The following PEA15 variants were observed in gnomAD, a reference collection of about 807,000 sequenced individuals.
The protein encoded by PEA15 is astrocytic phosphoprotein PEA-15.
For missense variants in PEA15, 77 were observed against 161.3 expected (o/e 0.48, Z 2.83); for synonymous variants, 60 against 61.8 (o/e 0.97, Z 0.13).
chr1:160,209,390 A>AG (rs1654751657), intron 1 of PEA15, among the ~76,000 whole-genome samples: 2 of 152,082 alleles, frequency 1.3e-5, no homozygotes, highest in African/African-American at 4.8e-5. Flanking sequence ...TCTCTTAGAA[A>AG]GCTCCTACCC....
intron 1 of PEA15, among the ~76,000 whole-genome samples, chr1:160,209,978 A>G (rs1380209154): frequency 3.9e-5 from 6 of 152,168 alleles, no homozygotes; most frequent in Non-Finnish European, 1.5e-5. Flanking sequence ...TGTGCAACTG[A>G]GCATGCCTAT....
Position 160,208,694 on chromosome 1 carries a change from A to G in PEA15, c.-2-2849A>G. The G allele has an allele frequency of 3.3e-6, 5 of 1,532,804 alleles. No individual in the cohort carries two copies. Among genetic ancestry groups the G allele is most frequent in the Non-Finnish European group, 4.4e-6 (5 of 1,130,884 alleles). The allele number at this position is 1,532,804 out of a possible 1,614,324, so 95.0% of individuals were successfully genotyped here. A position where few individuals can be genotyped will look rare whatever the true frequency, so the allele number is the denominator to read the frequency against. On this transcript the variant is annotated intron_variant, in intron 1 of 3. Transcript: ENST00000360472. This position sits in a 1 kb window ranked among gnomAD's most constrained non-coding sequence, Gnocchi z 4.1. ...CAACTGTTGATCAGTGAGAATTGAG[A>G]GCAGTTCCCCTAAACAACACTCCCT...
At position 160,211,661 on chromosome 1, in the gene PEA15, C is replaced by T. The variant is rs146555291; in HGVS notation, c.117C>T (p.Ile39=). 2.0e-4 allele frequency: 321 copies of T among 1,614,028 alleles called. 2 individuals are homozygous for T. In the African/African-American group the frequency reaches 3.9e-3, roughly 19 times the overall value. ...TCCCCAGCGAAAAGAGTGAGGAGAT[C>T]ACTACTGGCAGTGCCTGGTTTAGCT... is the stretch of plus-strand genomic sequence containing the variant. ...EDIPSEKSEE[I]TTGSAWFSFL... The change falls in exon 2 of 4, where the codon ATC becomes ATT. Residue 39 remains isoleucine (I), a synonymous_variant. Coordinates refer to ENST00000360472, the MANE Select transcript of PEA15 (RefSeq NM_003768.5).
chr1:160,209,453 G>A (rs555006187), intron 1 of PEA15, among the ~76,000 whole-genome samples: 4 of 151,738 alleles, frequency 2.6e-5, no homozygotes, highest in Admixed American at 6.6e-5. Context: ...ATCTCTTCCC[G>A]CCTACCTCCT....
chr1:160,212,879 C>A (rs534876347), intron 2 of PEA15, among the ~76,000 whole-genome samples: 2 of 152,302 alleles, frequency 1.3e-5, no homozygotes, highest in Admixed American at 1.3e-4. Context: ...TAACCACAAT[C>A]TAGAAACTTC....
At chr1:160,211,521 C>CT (rs758762024) in intron 1 of PEA15, 22 bp from the exon 2 acceptor site, 3 of 1,595,222 alleles carry the variant, frequency 1.9e-6, no homozygotes, top group Non-Finnish European at 2.6e-6. Context: ...ACTCCTATCC[C>CT]TTTGTCGCCT....
rs3789041 is a variant in PEA15, at chr1:160,208,686, G to T, written c.-2-2857G>T. 1.5e-3 allele frequency: 2,349 copies of T among 1,544,348 alleles called. 29 individuals are homozygous for T. In the East Asian group the frequency reaches 0.035, roughly 23 times the overall value. ...CCCAGGTACAACTGTTGATCAGTGAGAATTGAGAGCAGTTCCCCTAAACAA... is the reference window on the plus strand; with the variant it reads ...CCCAGGTACAACTGTTGATCAGTGATAATTGAGAGCAGTTCCCCTAAACAA... On this transcript the variant is annotated intron_variant, in intron 1 of 3. Coordinates refer to ENST00000360472, the MANE Select transcript of PEA15 (RefSeq NM_003768.5). The surrounding 1 kb of genome is among the most constrained non-coding windows in gnomAD (Gnocchi z 4.1).
At position 160,211,824 on chromosome 1, in the gene PEA15, T is replaced by C. The variant is rs1033013089; in HGVS notation, c.172+108T>C. 5.1e-5 allele frequency: 52 copies of C among 1,020,140 alleles called. No homozygotes were observed. In the Admixed American group the frequency reaches 7.1e-4, roughly 14 times the overall value. 63.2% of individuals were successfully genotyped at this position (1,020,140 alleles called of 1,614,324 possible). A position where few individuals can be genotyped will look rare whatever the true frequency, so the allele number is the denominator to read the frequency against. ...TACATCCACAATGTGTACCCCTCTATAGCAAGGCAGAAGAGAGGTGCTCTA... is the reference window on the plus strand; with the variant it reads ...TACATCCACAATGTGTACCCCTCTACAGCAAGGCAGAAGAGAGGTGCTCTA... On this transcript the variant is annotated intron_variant, in intron 2 of 3. Coordinates refer to ENST00000360472, the MANE Select transcript of PEA15 (RefSeq NM_003768.5).
At position 160,211,643 on chromosome 1, in the gene PEA15, C is replaced by A; in HGVS notation, c.99C>A (p.Ser33Arg). ...CGGCCTGCAAGGAAGACATCCCCAG[C>A]GAAAAGAGTGAGGAGATCACTACTG... ...LKSACKEDIP[S>R]EKSEEITTGS... The change falls in exon 2 of 4, where the codon AGC becomes AGA. Residue 33 changes from serine (S) to arginine (R), a missense_variant. Physicochemically the swap from Ser to Arg is moderately radical, Grantham distance 110. Coordinates refer to ENST00000360472, the MANE Select transcript of PEA15 (RefSeq NM_003768.5). The A allele has an allele frequency of 6.2e-7, 1 of 1,614,028 alleles. No homozygotes were observed. The highest frequency in any genetic ancestry group is 8.5e-7 in the Non-Finnish European group (1 of 1,179,968).
exon 4 of PEA15, chr1:160,215,370 C>CAACT (rs1182221904): frequency 6.6e-6 from 1 of 152,168 alleles, no homozygotes; most frequent in African/African-American, 2.4e-5. Flanking sequence ...GATTGTATTG[C>CAACT]AACTAACTGA....
At chr1:160,211,242 C>G in intron 1 of PEA15, 2 of 1,051,676 alleles carry the variant, frequency 1.9e-6, no homozygotes, top group Non-Finnish European at 2.3e-6. Context: ...ACCGCCTCCT[C>G]AGTCAGGGGA....
At chr1:160,206,752 T>C (rs1170144570) in intron 1 of PEA15, among the ~76,000 whole-genome samples, 1 of 151,796 alleles carries the variant, frequency 6.6e-6, no homozygotes, top group Non-Finnish European at 1.5e-5. Context: ...TGTTTGAGAG[T>C]GCACTAAACA....
rs541676783 is a variant in PEA15 at position 160,213,383 on chromosome 1, C to T, written c.329-39C>T. ...CCCAATGGGCCTGCCTGGCATCTCC[C>T]ACACTGCTGTCCCTGGACACATACC... On this transcript the variant is annotated intron_variant, in intron 3 of 3. Coordinates refer to ENST00000360472, the MANE Select transcript of PEA15 (RefSeq NM_003768.5). The surrounding 1 kb of genome is among the most constrained non-coding windows in gnomAD (Gnocchi z 5.3). 33 of 1,612,658 alleles carry T rather than the reference C, an allele frequency of 2.0e-5. 1 individual carries two copies. The East Asian group carries it at 3.1e-4, about 15-fold the overall frequency.
At chr1:160,209,751 C>G (rs560240442) in intron 1 of PEA15, among the ~76,000 whole-genome samples, 11 of 152,256 alleles carry the variant, frequency 7.2e-5, no homozygotes, top group African/African-American at 1.4e-4. Flanking sequence ...ATTCTTATCT[C>G]CATCTCTAGT....
At chr1:160,210,915 A>C (rs116173582) in intron 1 of PEA15, among the ~76,000 whole-genome samples, 95 of 152,310 alleles carry the variant, frequency 6.2e-4, no homozygotes, top group African/African-American at 2.0e-3. Context: ...ACTGAATACA[A>C]GGCTAGCATG....
chr1:160,207,083 A>G (rs1654631595), intron 1 of PEA15: 1 of 152,360 alleles, frequency 6.6e-6, no homozygotes, highest in South Asian at 2.1e-4. Context: ...GCAGCCAACC[A>G]CTGAATCTCC....
At chr1:160,210,482 T>G (rs1001716845) in intron 1 of PEA15, among the ~76,000 whole-genome samples, 1 of 152,250 alleles carries the variant, frequency 6.6e-6, no homozygotes, top group Non-Finnish European at 1.5e-5. Flanking sequence ...TTCTTTCTTC[T>G]GTCTTAGCCA....
rs1444073890 is a variant in PEA15 at position 160,213,083 on chromosome 1, C to G, written c.173-27C>G. 1.9e-6 allele frequency: 3 copies of G among 1,613,572 alleles called. No homozygotes were observed. The highest frequency in any genetic ancestry group is 2.2e-5 in the East Asian group (1 of 44,878). ...GGAAGCTGACCTCTACAGCCTAGCT[C>G]TGACCCTATCTCCTGCCTTCCTCCA... On this transcript the variant is annotated intron_variant, in intron 2 of 3. Transcript: ENST00000360472. The surrounding 1 kb of genome is among the most constrained non-coding windows in gnomAD (Gnocchi z 5.3).
intron 1 of PEA15, among the ~76,000 whole-genome samples, chr1:160,209,662 A>G (rs916942119): frequency 6.6e-6 from 1 of 152,084 alleles, no homozygotes; most frequent in Non-Finnish European, 1.5e-5. Flanking sequence ...GCTTGGCCCC[A>G]GAGTTTCCTC....
Sources: gnomAD v4.1 joint callset for allele counts (sites outside exome capture counted in the v4.1 genomes callset) on GRCh38, gnomAD v4.1.1 for gene constraint, Gnocchi (gnomAD v3.1) non-coding constraint, MANE v1.5 for transcripts, NCBI Gene and HGNC (gene_info 2026-07-23, HGNC 2026-07-21) for gene names.